Variants in MAX observed in about 807,000 individuals in gnomAD.
The protein encoded by MAX is MYC associated transcriptional regulator X.
A neutral mutation model predicts 22.3 loss-of-function variants in MAX; 3 were observed. The ratio of observed to expected loss-of-function variants is 0.13; its 90% CI spans 0.06 to 0.35. The LOEUF (loss-of-function observed/expected upper bound fraction) is 0.35, where lower values mean the gene tolerates loss of function less well. Among genes scored for constraint, MAX ranks in the 10% least tolerant of loss-of-function variants. The pLI, the probability that MAX is intolerant of heterozygous loss-of-function variation, is 1.00. For missense variants in MAX, 119 were observed against 209.4 expected (o/e 0.57, Z 2.66); for synonymous variants, 72 against 77.7 (o/e 0.93, Z 0.39).
chr14:65,029,731 G>C lies in MAX; in HGVS notation c.172-23447C>G, dbSNP rs1467023445. ...AGATGGCCTGGTGGGCAGGGGAGCAGTGGAGCTGGAGGGACAGGCTGGGAA... is the reference window on the plus strand; with the variant it reads ...AGATGGCCTGGTGGGCAGGGGAGCACTGGAGCTGGAGGGACAGGCTGGGAA... On this transcript the variant is annotated intron_variant, in intron 3 of 3. Coordinates refer to the MAX transcript ENST00000341653. This position sits in a 1 kb window ranked among gnomAD's most constrained non-coding sequence, Gnocchi z 4.7. Among the ~76,000 whole-genome samples the C allele has an allele frequency of 2.0e-5, 3 of 150,708 alleles. No homozygotes were observed. The highest frequency in any genetic ancestry group is 4.4e-5 in the Non-Finnish European group (3 of 67,522).
chr14:65,032,797 C>T lies in MAX; in HGVS notation c.172-26513G>A, dbSNP rs572418595. 2 of 1,136,176 alleles carry T rather than the reference C, an allele frequency of 1.8e-6. No homozygotes were observed. Among genetic ancestry groups the T allele is most frequent in the African/African-American group, 1.6e-5 (1 of 62,868 alleles). The allele number at this position is 1,136,176 out of a possible 1,614,324, so 70.4% of individuals were successfully genotyped here. The stretch of plus-strand genomic sequence containing the variant: ...ATGCAGAGGGACTTGGAAGGAAATA[C>T]AAAAATCACAGGAGATCCATTAGGG... On this transcript the variant is annotated intron_variant, in intron 3 of 3. Transcript: ENST00000341653. This position sits in a 1 kb window ranked among gnomAD's most constrained non-coding sequence, Gnocchi z 5.0.
rs1414228444 is a variant in MAX at position 65,037,760 on chromosome 14, AT to A, written c.172-31477del. Among the ~76,000 whole-genome samples the A allele has an allele frequency of 2.2e-5, 3 of 135,592 alleles. 1 individual carries two copies. The highest frequency in any genetic ancestry group is 4.6e-4 in the South Asian group (2 of 4,302). 89.0% of individuals were successfully genotyped at this position (135,592 alleles called of 152,430 possible). ...TTATTTATTATTTATTTATTTATTT[AT>A]TTATTTATTTATTTATTTATTTATT... On this transcript the variant is annotated intron_variant, in intron 3 of 3. Coordinates refer to the MAX transcript ENST00000341653.
intron 3 of MAX, among the ~76,000 whole-genome samples, chr14:65,087,871 G>C (rs1330451711): frequency 6.6e-6 from 1 of 152,194 alleles, no homozygotes; most frequent in African/African-American, 2.4e-5. Flanking sequence ...ATCTTGAATT[G>C]TAATTCCCAT....
chr14:65,044,647 T>TGA lies in MAX; in HGVS notation c.172-38364_172-38363insTC, dbSNP rs1222778885. On this transcript the variant is annotated intron_variant, in intron 3 of 3. Transcript: ENST00000341653. The surrounding 1 kb of genome is among the most constrained non-coding windows in gnomAD (Gnocchi z 5.5). ...TCATTGGTTTAGTGTCATTCTTTGC[T>TGA]TCTTCAAATTGGCTGCGACAGAATG... 2 of 778,758 alleles carry TGA rather than the reference T, an allele frequency of 2.6e-6. No individual in the cohort carries two copies. The highest frequency in any genetic ancestry group is 1.9e-6 in the Non-Finnish European group (1 of 535,292). The allele number at this position is 778,758 out of a possible 1,614,324, so 48.2% of individuals were successfully genotyped here.
chr14:65,092,905 G>C (rs1345248576), intron 3 of MAX, among the ~76,000 whole-genome samples: 1 of 152,198 alleles, frequency 6.6e-6, no homozygotes, highest in Non-Finnish European at 1.5e-5. Context: ...CAAAAACACA[G>C]GTCCTCTTCC....
rs75400841 is a variant in MAX, at chr14:65,054,833, G to A, written c.171+38875C>T. Reference sequence around the variant, plus strand: ...CCTCTGCCCTTCGAGCTGTGCAGCCGTTAGTGAGGATGTGACCACAGAGGA... The same window carrying A: ...CCTCTGCCCTTCGAGCTGTGCAGCCATTAGTGAGGATGTGACCACAGAGGA... On this transcript the variant is annotated intron_variant, in intron 3 of 3. Transcript: ENST00000341653. The surrounding 1 kb of genome is among the most constrained non-coding windows in gnomAD (Gnocchi z 4.4). 0.029 allele frequency: 26,462 copies of A among 909,896 alleles called. 477 individuals are homozygous for A. The highest frequency in any genetic ancestry group is 0.036 in the Admixed American group (1,438 of 40,318). 56.4% of individuals were successfully genotyped at this position (909,896 alleles called of 1,614,324 possible).
At chr14:65,059,265 C>A (rs1028893494) in intron 3 of MAX, among the ~76,000 whole-genome samples, 1 of 151,938 alleles carries the variant, frequency 6.6e-6, no homozygotes, top group African/African-American at 2.4e-5. Context: ...TCAAGCTATC[C>A]TACCTCAGCC....
intron 3 of MAX, chr14:65,022,177 C>A: frequency 2.4e-6 from 1 of 420,296 alleles, no homozygotes; most frequent in South Asian, 1.7e-5. Context: ...AGTACGAGAA[C>A]AAGCTTGATG....
At chr14:65,080,884 T>C (rs1052426126) in intron 3 of MAX, among the ~76,000 whole-genome samples, 1 of 152,196 alleles carries the variant, frequency 6.6e-6, no homozygotes, top group African/African-American at 2.4e-5. Context: ...TTGCTACCAG[T>C]TTCTCCTTCA....
chr14:65,064,074 C>G (rs2062906764), intron 3 of MAX, among the ~76,000 whole-genome samples: 1 of 152,140 alleles, frequency 6.6e-6, no homozygotes, highest in African/African-American at 2.4e-5. Context: ...TAAAGAGAAC[C>G]TCATGGATAA....
downstream of MAX, chr14:65,075,123 C>G (rs2063025848): frequency 3.6e-5 from 37 of 1,016,126 alleles, no homozygotes; most frequent in Non-Finnish European, 4.4e-5. The surrounding 1 kb of genome is among the most constrained non-coding windows in gnomAD (Gnocchi z 4.1). Context: ...ACACCACCAC[C>G]AAGAAGGATA....
chr14:65,100,312 T>C (rs772273140), intron 2 of MAX, among the ~76,000 whole-genome samples: 33 of 152,036 alleles, frequency 2.2e-4, no homozygotes, highest in Non-Finnish European at 4.1e-4. Context: ...TAGCTGGGTG[T>C]GGTGGCACGC....
Position 65,027,322 on chromosome 14 carries a change from T to C in MAX, c.172-21038A>G. 1 of 1,397,868 alleles carries C rather than the reference T, an allele frequency of 7.2e-7. No individual in the cohort carries two copies. The highest frequency in any genetic ancestry group is 9.8e-7 in the Non-Finnish European group (1 of 1,024,838). 86.6% of individuals were successfully genotyped at this position (1,397,868 alleles called of 1,614,324 possible). On this transcript the variant is annotated intron_variant, in intron 3 of 3. Coordinates refer to the MAX transcript ENST00000341653. This position sits in a 1 kb window ranked among gnomAD's most constrained non-coding sequence, Gnocchi z 5.7. The stretch of plus-strand genomic sequence containing the variant: ...TTGGGGAGAGGTTATATTCAACAAG[T>C]GGGAGGAGAGGTTCCCCTCAACTTT...
chr14:65,101,734 C>G, intron 1 of MAX, 162 bp from the exon 2 acceptor site: 2 of 648,850 alleles, frequency 3.1e-6, no homozygotes, highest in Non-Finnish European at 5.4e-6. Flanking sequence ...ACCCTTCCAC[C>G]CTCGGCGGGA....
rs762903091 is a variant in MAX at position 65,076,685 on chromosome 14, G to A, written c.296-22C>T. On this transcript the variant is annotated intron_variant, in intron 4 of 4. Transcript: ENST00000358664. This position sits in a 1 kb window ranked among gnomAD's most constrained non-coding sequence, Gnocchi z 6.6. Reference sequence around the variant, plus strand: ...CGGACTAAAAGGCAACCAAGGGAGTGTGTTACTGCCTTCTGGAGACTTGGG... The same window carrying A: ...CGGACTAAAAGGCAACCAAGGGAGTATGTTACTGCCTTCTGGAGACTTGGG... 2 of 1,614,114 alleles carry A rather than the reference G, an allele frequency of 1.2e-6. No individual in the cohort carries two copies. Among genetic ancestry groups the A allele is most frequent in the South Asian group, 1.1e-5 (1 of 91,076 alleles).
chr14:65,026,017 A>T (rs1171518535), intron 3 of MAX, among the ~76,000 whole-genome samples: 1 of 152,228 alleles, frequency 6.6e-6, no homozygotes, highest in Non-Finnish European at 1.5e-5. Context: ...AATCGAAAGC[A>T]ATTAAATGTG....
chr14:65,099,219 A>C (rs1167435609), intron 2 of MAX, among the ~76,000 whole-genome samples: 1 of 152,202 alleles, frequency 6.6e-6, no homozygotes, highest in Non-Finnish European at 1.5e-5. Flanking sequence ...TTTGTTTATA[A>C]CATATCTGCT....
At chr14:65,050,648 T>C (rs538185973) in intron 3 of MAX, among the ~76,000 whole-genome samples, 2 of 152,372 alleles carry the variant, frequency 1.3e-5, no homozygotes, top group East Asian at 3.9e-4. Flanking sequence ...TTTTAAATTT[T>C]GCTGGTAGCT....
intron 1 of MAX, 101 bp from the exon 2 acceptor site, chr14:65,101,673 G>A (rs1028914457): frequency 2.2e-6 from 2 of 907,692 alleles, no homozygotes; most frequent in Admixed American, 2.1e-5. Flanking sequence ...AGGAAGCGGA[G>A]GGTGGGGAGT....
Sources: allele counts gnomAD v4.1 joint callset (sites outside exome capture counted in the v4.1 genomes callset), GRCh38; gene constraint gnomAD v4.1.1; non-coding constraint Gnocchi (gnomAD v3.1); transcripts MANE v1.5; gene names NCBI Gene and HGNC (gene_info 2026-07-23, HGNC 2026-07-21).